The following C9 variants were observed in gnomAD, a reference collection of about 807,000 sequenced individuals.
C9 encodes complement C9, also known as complement component C9.
Under a neutral mutation model 65.4 loss-of-function variants are expected in C9, and 63 were observed. The observed-to-expected ratio is 0.96, with a 90% CI of 0.79 to 1.19. The LOEUF (loss-of-function observed/expected upper bound fraction) is 1.19. Ranked by LOEUF, C9 falls within the 50% of genes most tolerant of loss-of-function variation. The pLI is 0.00. For missense variants in C9, 744 were observed against 670.1 expected (o/e 1.11, Z -1.22); for synonymous variants, 229 against 227.9 (o/e 1.00, Z -0.04).
At chr5:39,285,750 AC>A (rs1306399464) in intron 10 of C9, among the ~76,000 whole-genome samples, 1 of 151,586 alleles carries the variant, frequency 6.6e-6, no homozygotes, top group Non-Finnish European at 1.5e-5. Context: ...CCAATGACCA[AC>A]CTGGTTGAGA....
intron 5 of C9, among the ~76,000 whole-genome samples, chr5:39,317,906 G>A (rs538212046): frequency 2.0e-5 from 3 of 151,866 alleles, no homozygotes; most frequent in East Asian, 3.9e-4. Flanking sequence ...TAGTTTAATG[G>A]TAATAGCATT....
chr5:39,315,801 G>C lies in C9; in HGVS notation c.844C>G (p.Leu282Val). The C allele has an allele frequency of 6.2e-7, 1 of 1,604,076 alleles. No individual in the cohort carries two copies. Among genetic ancestry groups the C allele is most frequent in the Non-Finnish European group, 8.5e-7 (1 of 1,171,300 alleles). The change falls in exon 6 of 11, where the codon CTA becomes GTA. Residue 282 changes from leucine to valine, a missense_variant. By Grantham distance (32) the Leu-to-Val change is conservative. Coordinates refer to ENST00000263408, the MANE Select transcript of C9 (RefSeq NM_001737.5). ...TTCTTTGAAGAATATGACAAAAATAGTTGGTAAGTTTCATTTTTGGAATAT... is the reference window on the plus strand; with the variant it reads ...TTCTTTGAAGAATATGACAAAAATACTTGGTAAGTTTCATTTTTGGAATAT... ...FSYSKNETYQ[L>V]FLSYSSKKEK... is the part of the protein sequence containing the mutation.
chr5:39,358,961 G>A (rs1442078439), intron 1 of C9, among the ~76,000 whole-genome samples: 1 of 150,016 alleles, frequency 6.7e-6, no homozygotes, highest in East Asian at 2.0e-4. Flanking sequence ...CTCCAGCCTG[G>A]GTGGCAGAGC....
At chr5:39,345,244 A>C (rs1070314) in intron 1 of C9, among the ~76,000 whole-genome samples, 3,737 of 152,268 alleles carry the variant, frequency 0.025, 167 homozygotes, top group African/African-American at 0.086. Flanking sequence ...GATAAAGAGT[A>C]AAGACCCATC....
chr5:39,288,695 T>C (rs1381363625), intron 10 of C9, 28 bp downstream of exon 10: 9 of 1,324,174 alleles, frequency 6.8e-6, no homozygotes, highest in Non-Finnish European at 9.8e-6. Flanking sequence ...ATTTTTGTCT[T>C]TAATCACATC....
intron 5 of C9, among the ~76,000 whole-genome samples, chr5:39,321,325 G>GT (rs1348657682): frequency 2.0e-5 from 3 of 152,066 alleles, no homozygotes; most frequent in Non-Finnish European, 4.4e-5. Context: ...TTGAATTTAT[G>GT]TTGCTAACAG....
chr5:39,350,183 G>A (rs1327933806), intron 1 of C9, among the ~76,000 whole-genome samples: 1 of 152,132 alleles, frequency 6.6e-6, no homozygotes, highest in Non-Finnish European at 1.5e-5. Flanking sequence ...AGTGACGGGG[G>A]AAGTACTACA....
At chr5:39,337,588 C>A (rs1300812835) in intron 4 of C9, among the ~76,000 whole-genome samples, 1 of 152,240 alleles carries the variant, frequency 6.6e-6, no homozygotes, top group African/African-American at 2.4e-5. Context: ...ACGGGCAGTT[C>A]CAATTTACCA....
Position 39,288,749 on chromosome 5 carries a change from T to C in C9, c.1619A>G (p.Glu540Gly). 6.2e-7 allele frequency: 1 copy of C among 1,611,048 alleles called. No homozygotes were observed. Among genetic ancestry groups the C allele is most frequent in the Non-Finnish European group, 8.5e-7 (1 of 1,177,606 alleles). The change falls in exon 10 of 11, where the codon GAA (glutamate) becomes GGA (glycine). Residue 540 changes from glutamate (E) to glycine (G), a missense_variant. By Grantham distance (98) the Glu-to-Gly change is moderately conservative. Coordinates refer to ENST00000263408, the MANE Select transcript of C9 (RefSeq NM_001737.5). ...CPFKFEGIAC[E>G]ISKQKISEGL... ...TTCAGAAATTTTTTGTTTACTGATT[T>C]CACAGGCAATTCCCTCAAATTTGAA...
intron 1 of C9, among the ~76,000 whole-genome samples, chr5:39,345,724 T>C (rs2111963538): frequency 6.6e-6 from 1 of 152,294 alleles, no homozygotes; most frequent in South Asian, 2.1e-4. Context: ...ATATACATTC[T>C]CAGCACCACA....
intron 4 of C9, among the ~76,000 whole-genome samples, chr5:39,340,685 T>A (rs1243062365): frequency 6.6e-6 from 1 of 152,152 alleles, no homozygotes; most frequent in Non-Finnish European, 1.5e-5. Flanking sequence ...ATCACATTCC[T>A]CCTGGGTCAG....
intron 1 of C9, among the ~76,000 whole-genome samples, chr5:39,344,370 T>C (rs686108): frequency 0.083 from 12,694 of 152,232 alleles, 1,040 homozygotes; most frequent in African/African-American, 0.21. Flanking sequence ...AACTACGTGA[T>C]GAATGCACAA....
chr5:39,329,449 T>C (rs1438375153), intron 5 of C9, among the ~76,000 whole-genome samples: 2 of 152,176 alleles, frequency 1.3e-5, no homozygotes, highest in African/African-American at 2.4e-5. Context: ...GGCACAATGA[T>C]GATAAGTAAT....
At chr5:39,329,459 T>C (rs1254093308) in intron 5 of C9, among the ~76,000 whole-genome samples, 2 of 152,150 alleles carry the variant, frequency 1.3e-5, no homozygotes, top group African/African-American at 4.8e-5. Context: ...TGATAAGTAA[T>C]TTGCCTGAGA....
chr5:39,299,036 T>G (rs1363242974), intron 9 of C9, among the ~76,000 whole-genome samples: 1 of 151,912 alleles, frequency 6.6e-6, no homozygotes, highest in East Asian at 1.9e-4. Context: ...AAAGGGAACT[T>G]CCTCAACCTG....
chr5:39,290,264 T>A (rs1454983812), intron 9 of C9, among the ~76,000 whole-genome samples: 1 of 151,874 alleles, frequency 6.6e-6, no homozygotes, highest in Non-Finnish European at 1.5e-5. Context: ...AAAGTTCTTA[T>A]AATGGAGATA....
At chr5:39,299,774 AG>A (rs1753250560) in intron 9 of C9, among the ~76,000 whole-genome samples, 2 of 152,060 alleles carry the variant, frequency 1.3e-5, no homozygotes, top group Admixed American at 6.6e-5. Context: ...GTGGAAACCT[AG>A]GGCCCTTTAC....
chr5:39,343,314 G>A (rs1197707328), intron 1 of C9, among the ~76,000 whole-genome samples: 2 of 152,128 alleles, frequency 1.3e-5, no homozygotes, highest in African/African-American at 2.4e-5. Context: ...CTGGAAAATC[G>A]GGTCACTTCC....
At chr5:39,328,682 A>G (rs1753792594) in intron 5 of C9, among the ~76,000 whole-genome samples, 1 of 152,186 alleles carries the variant, frequency 6.6e-6, no homozygotes, top group South Asian at 2.1e-4. Flanking sequence ...AAGATTCCAA[A>G]AAGACTGAAG....
Sources: allele counts gnomAD v4.1 joint callset (sites outside exome capture counted in the v4.1 genomes callset), GRCh38; gene constraint gnomAD v4.1.1; transcripts MANE v1.5; gene names NCBI Gene and HGNC (gene_info 2026-07-23, HGNC 2026-07-21).